Variants in FRMD6 observed in about 807,000 individuals in gnomAD.
The protein encoded by FRMD6 is FERM domain-containing protein 6.
A neutral mutation model predicts 73.2 loss-of-function variants in FRMD6; 37 were observed. That is an observed-to-expected ratio of 0.51 (90% CI 0.39 to 0.66). The LOEUF (loss-of-function observed/expected upper bound fraction) is 0.66, where lower values mean the gene tolerates loss of function less well. FRMD6 is among the 30% of genes least tolerant of loss of function. FRMD6 has a pLI of 0.00. For synonymous variants in FRMD6, 273 were observed against 282.2 expected (o/e 0.97, Z 0.33); for missense variants, 714 against 780.5 (o/e 0.91, Z 1.02).
chr14:51,674,139 A>G (rs1249703941), intron 1 of FRMD6, among the ~76,000 whole-genome samples: 1 of 152,188 alleles, frequency 6.6e-6, no homozygotes, highest in African/African-American at 2.4e-5. Context: ...TGAAGGTAAA[A>G]ATCCAATGGA....
intron 1 of FRMD6, among the ~76,000 whole-genome samples, chr14:51,501,499 G>A (rs1883619268): frequency 6.6e-6 from 1 of 152,062 alleles, no homozygotes; most frequent in Non-Finnish European, 1.5e-5. Context: ...TTAGTTTGCT[G>A]AGGATAATGG....
At chr14:51,600,726 C>T (rs113047645) in intron 2 of FRMD6, among the ~76,000 whole-genome samples, 4,031 of 152,324 alleles carry the variant, frequency 0.026, 82 homozygotes, top group Middle Eastern at 0.082. Flanking sequence ...CATTTAACTT[C>T]GCCTGGCAAT....
At chr14:51,570,464 A>G (rs923786258) in intron 2 of FRMD6, 2 of 152,194 alleles carry the variant, frequency 1.3e-5, no homozygotes, top group African/African-American at 2.4e-5. Flanking sequence ...CAAAAACCGA[A>G]GTTTAAGAAA....
chr14:51,616,712 G>A (rs925046150), intron 2 of FRMD6, among the ~76,000 whole-genome samples: 1 of 152,016 alleles, frequency 6.6e-6, no homozygotes. Flanking sequence ...GGCTGAGCCT[G>A]GAAGAAAACA....
intron 1 of FRMD6, chr14:51,570,277 G>A (rs917895445): frequency 6.6e-6 from 1 of 152,192 alleles, no homozygotes; most frequent in Non-Finnish European, 1.5e-5. Context: ...CTGTCTAAAA[G>A]TAATGCTAAT....
upstream of FRMD6, among the ~76,000 whole-genome samples, chr14:51,647,192 T>G (rs544565818): frequency 1.8e-4 from 27 of 152,262 alleles, no homozygotes; most frequent in South Asian, 3.3e-3. Flanking sequence ...ATCAGGAGAA[T>G]AGAATTTAAT....
At chr14:51,693,111 A>G (rs1895717240) in intron 2 of FRMD6, among the ~76,000 whole-genome samples, 1 of 152,180 alleles carries the variant, frequency 6.6e-6, no homozygotes, top group Admixed American at 6.6e-5. Flanking sequence ...ACATGGATAT[A>G]CTTAAAACAC....
At chr14:51,503,684 T>C (rs1435675493) in intron 1 of FRMD6, among the ~76,000 whole-genome samples, 1 of 151,146 alleles carries the variant, frequency 6.6e-6, no homozygotes, top group African/African-American at 2.4e-5. Flanking sequence ...GTTTTTTGTT[T>C]TTTTTTTTTG....
upstream of FRMD6, chr14:51,650,865 G>C (rs1190976685): frequency 6.6e-6 from 1 of 152,362 alleles, no homozygotes; most frequent in Non-Finnish European, 1.5e-5. Context: ...AGGGGTCATT[G>C]GGTCAGCAAA....
At chr14:51,429,430 T>TTTG in the FRMD6 span, among the ~76,000 whole-genome samples, 4 of 151,790 alleles carry the variant, frequency 2.6e-5, no homozygotes, top group African/African-American at 9.7e-5. Context: ...GAAGATTTTT[T>TTTG]TTTGTTTGTT....
intron 1 of FRMD6, among the ~76,000 whole-genome samples, chr14:51,661,067 ATGGGG>A (rs1893190097): frequency 6.6e-6 from 1 of 152,154 alleles, no homozygotes; most frequent in East Asian, 1.9e-4. Context: ...TGTGAGTGGA[ATGGGG>A]AGCCAGGTTT....
At chr14:51,467,105 G>A in the FRMD6 span, among the ~76,000 whole-genome samples, 1 of 152,124 alleles carries the variant, frequency 6.6e-6, no homozygotes, top group Admixed American at 6.5e-5. Context: ...CTAGGCAGAG[G>A]GCCCTGCCGC....
intron 2 of FRMD6, among the ~76,000 whole-genome samples, chr14:51,591,864 T>A (rs138727009): frequency 1.0e-3 from 158 of 152,316 alleles, no homozygotes; most frequent in African/African-American, 3.3e-3. Context: ...TTCTTATACA[T>A]TTATAAACAA....
chr14:51,726,357 T>A (rs1897953910), intron 13 of FRMD6, among the ~76,000 whole-genome samples: 1 of 152,192 alleles, frequency 6.6e-6, no homozygotes, highest in Admixed American at 6.5e-5. Flanking sequence ...ACTCTGAAAC[T>A]CATGGTTTCA....
intron 2 of FRMD6, among the ~76,000 whole-genome samples, chr14:51,603,793 T>C (rs1287034739): frequency 6.6e-6 from 1 of 152,120 alleles, no homozygotes; most frequent in African/African-American, 2.4e-5. Flanking sequence ...TAGGGCTTCT[T>C]CAAGCATTAA....
At chr14:51,710,417 C>T (rs1389070626) in intron 7 of FRMD6, among the ~76,000 whole-genome samples, 4 of 152,072 alleles carry the variant, frequency 2.6e-5, no homozygotes, top group Non-Finnish European at 5.9e-5. Flanking sequence ...ACTTGAAAAC[C>T]AGCATTTTTA....
intron 1 of FRMD6, among the ~76,000 whole-genome samples, chr14:51,681,207 T>C (rs1318964659): frequency 6.6e-6 from 1 of 152,214 alleles, no homozygotes; most frequent in Non-Finnish European, 1.5e-5. Flanking sequence ...ACCCCGAGGT[T>C]AACCTCATTG....
intron 2 of FRMD6, among the ~76,000 whole-genome samples, chr14:51,586,449 T>C (rs1264034985): frequency 6.6e-6 from 1 of 152,192 alleles, no homozygotes; most frequent in East Asian, 1.9e-4. Context: ...TCTTGAGCTG[T>C]TGGAATTCCT....
At chr14:51,492,459 GCAC>G (rs1447743363) in intron 1 of FRMD6, among the ~76,000 whole-genome samples, 30 of 152,072 alleles carry the variant, frequency 2.0e-4, no homozygotes, top group Admixed American at 1.1e-3. Context: ...AGCCTCCTTA[GCAC>G]CGAGACCATT....
Sources: allele counts gnomAD v4.1 joint callset (sites outside exome capture counted in the v4.1 genomes callset), GRCh38; gene constraint gnomAD v4.1.1; transcripts MANE v1.5; gene names NCBI Gene and HGNC (gene_info 2026-07-23, HGNC 2026-07-21).